COMMD9: variants seen among roughly 807,000 people sequenced by gnomAD.
COMMD9 encodes COMM domain-containing protein 9.
Under a neutral mutation model 23.4 loss-of-function variants are expected in COMMD9, and 22 were observed. The observed-to-expected ratio is 0.94, with a 90% confidence interval of 0.67 to 1.34. The LOEUF is 1.34. COMMD9 is among the 40% of genes most tolerant of loss of function. The pLI, the probability that COMMD9 is intolerant of heterozygous loss-of-function variation, is 0.00. For synonymous variants in COMMD9, 99 were observed against 97.4 expected, an observed-to-expected ratio of 1.02 and a Z score of -0.10; for missense variants, 231 against 240.2, an observed-to-expected ratio of 0.96 and a Z score of 0.25.
intron 4 of COMMD9, 147 bp downstream of exon 4, chr11:36,276,942 A>C (rs1855981768): frequency 6.2e-6 from 3 of 485,036 alleles, no homozygotes; most frequent in Non-Finnish European, 1.0e-5. Flanking sequence ...AAGTAGAATT[A>C]GGGAAAAAAC....
rs1855970748 is a variant in COMMD9, at chr11:36,276,232, G to T, written c.361C>A (p.Pro121Thr). The T allele has an allele frequency of 6.2e-7, 1 of 1,612,776 alleles. No individual in the cohort carries two copies. Among genetic ancestry groups the T allele is most frequent in the Non-Finnish European group, 8.5e-7 (1 of 1,178,898 alleles). The change falls in exon 5 of 6, where the codon CCA (proline) becomes ACA (threonine). Residue 121 changes from proline (P) to threonine (T), a missense_variant. Transcript: ENST00000263401. ...CTCCAGTCCAGATCGACCAGGCGTG[G>T]CAGAGAGACTGTGGAAGGAACAGCT... ...TEAQANQISLPRLVDLDWRVD... is the reference protein window; with the variant it reads ...TEAQANQISLTRLVDLDWRVD...
At chr11:36,282,442 T>C (rs1856082013) in intron 1 of COMMD9, among the ~76,000 whole-genome samples, 1 of 151,166 alleles carries the variant, frequency 6.6e-6, no homozygotes, top group South Asian at 2.1e-4. Flanking sequence ...ACAATTAGAA[T>C]GAAAGCAGAT....
Position 36,276,201 on chromosome 11 carries a change from T to A in COMMD9, c.392A>T (p.Asp131Val). The change falls in exon 5 of 6, where the codon GAT becomes GTT. Residue 131 changes from aspartate (D) to valine (V), a missense_variant. By Grantham distance (152) the Asp-to-Val change is radical (BLOSUM62 -3). Coordinates refer to ENST00000263401, the MANE Select transcript of COMMD9 (RefSeq NM_014186.4). ...GATGCTGTCTGAGGAGGTTTTGATA[T>A]CCACTCTCCAGTCCAGATCGACCAG... Reference protein sequence around the residue: ...PRLVDLDWRVDIKTSSDSISR... With the variant: ...PRLVDLDWRVVIKTSSDSISR... 6.2e-7 allele frequency: 1 copy of A among 1,614,128 alleles called. No individual in the cohort carries two copies.
At chr11:36,285,630 A>C (rs531957093) in intron 1 of COMMD9, among the ~76,000 whole-genome samples, 35 of 152,220 alleles carry the variant, frequency 2.3e-4, no homozygotes, top group Non-Finnish European at 4.0e-4. Context: ...ATAATGGCAA[A>C]TAGAGATCAG....
chr11:36,284,146 C>T (rs1856112971), intron 1 of COMMD9, among the ~76,000 whole-genome samples: 1 of 146,812 alleles, frequency 6.8e-6, no homozygotes, highest in Non-Finnish European at 1.5e-5. Context: ...AACAACAAAT[C>T]TCCCTTCAAA....
intron 1 of COMMD9, among the ~76,000 whole-genome samples, chr11:36,285,257 A>T (rs1335839087): frequency 6.6e-6 from 1 of 152,182 alleles, no homozygotes; most frequent in Non-Finnish European, 1.5e-5. Flanking sequence ...TGATAATTTA[A>T]ATAAAATGGG....
intron 5 of COMMD9, among the ~76,000 whole-genome samples, chr11:36,275,480 T>C (rs1299162506): frequency 2.0e-5 from 3 of 150,610 alleles, no homozygotes; most frequent in African/African-American, 7.3e-5. Context: ...AGTCTCACTC[T>C]TTCACCAGGT....
intron 3 of COMMD9, 105 bp from the exon 4 acceptor site, chr11:36,277,228 T>G: frequency 1.5e-6 from 1 of 677,166 alleles, no homozygotes; most frequent in Non-Finnish European, 2.3e-6. Flanking sequence ...AGACCTGTCA[T>G]CACCTGCTAA....
Position 36,278,524 on chromosome 11 carries a change from G to A in COMMD9, c.270C>T (p.Phe90=). The change falls in exon 3 of 6, where the codon TTC becomes TTT. Residue 90 remains phenylalanine (F), a synonymous_variant. Coordinates refer to ENST00000263401, the MANE Select transcript of COMMD9 (RefSeq NM_014186.4). Reference sequence around the variant, plus strand: ...TCAGCAGGTTTTTGAGGTTTTGGTGGAAATTTTCTGGAAAGAGAGCCAGAA... The same window carrying A: ...TCAGCAGGTTTTTGAGGTTTTGGTGAAAATTTTCTGGAAAGAGAGCCAGAA... ...EAILALFPEN[F]HQNLKNLLTK... is the part of the protein sequence containing the mutation. 6.2e-7 allele frequency: 1 copy of A among 1,614,102 alleles called. No individual in the cohort carries two copies.
chr11:36,282,409 G>T (rs1338958981), intron 1 of COMMD9, among the ~76,000 whole-genome samples: 1 of 151,676 alleles, frequency 6.6e-6, no homozygotes, highest in Non-Finnish European at 1.5e-5. Flanking sequence ...AGAGAAAAAT[G>T]ACACCTTACC....
chr11:36,287,731 C>T (rs890858728), intron 1 of COMMD9, among the ~76,000 whole-genome samples: 1 of 151,794 alleles, frequency 6.6e-6, no homozygotes, highest in Admixed American at 6.6e-5. Context: ...CTGTATTATT[C>T]CATTTATGTT....
chr11:36,285,282 AAC>A (rs1856132834), intron 1 of COMMD9, among the ~76,000 whole-genome samples: 1 of 152,176 alleles, frequency 6.6e-6, no homozygotes, highest in African/African-American at 2.4e-5. Context: ...TTCCTCAAAT[AAC>A]ACAAACTACT....
At position 36,274,501 on chromosome 11, in the gene COMMD9, G is replaced by A; in HGVS notation, c.*131C>T. 1 of 1,122,246 alleles carries A rather than the reference G, an allele frequency of 8.9e-7. No homozygotes were observed. The highest frequency in any genetic ancestry group is 1.3e-6 in the Non-Finnish European group (1 of 754,108). The allele number at this position is 1,122,246 out of a possible 1,614,324, so 69.5% of individuals were successfully genotyped here. ...CCAATCCAACTGTAACTTCTGGATG[G>A]CAGTAGCCCCCTGCTGTCCCCACCA... On this transcript the variant is annotated 3_prime_UTR_variant, in exon 6 of 6. Transcript: ENST00000263401.
At chr11:36,279,337 T>C (rs975208546) in intron 2 of COMMD9, among the ~76,000 whole-genome samples, 10 of 152,204 alleles carry the variant, frequency 6.6e-5, no homozygotes, top group African/African-American at 2.4e-4. Context: ...ATCTGTAACT[T>C]TGAAGTGTAA....
chr11:36,288,359 T>TTA (rs1554981279), intron 1 of COMMD9, among the ~76,000 whole-genome samples: 5,385 of 141,654 alleles, frequency 0.038, 301 homozygotes, highest in East Asian at 0.17. Context: ...ACCTGGTGTT[T>TTA]AAAAAAAAAA....
chr11:36,275,227 G>A (rs1382115771), intron 5 of COMMD9, among the ~76,000 whole-genome samples: 1 of 152,180 alleles, frequency 6.6e-6, no homozygotes, highest in Non-Finnish European at 1.5e-5. Context: ...ATTGCTAGAG[G>A]CACCCTTCTT....
chr11:36,272,335 A>G lies in COMMD9; in HGVS notation c.*2297T>C, dbSNP rs1326241965. On this transcript the variant is annotated 3_prime_UTR_variant, in exon 6 of 6. Transcript: ENST00000263401. ...TATTGACTTTTCCAGTTATTTATCA[A>G]ATGCCCTCTGCGTCATGTACCCAGA... 6.2e-6 allele frequency: 1 copy of G among 160,394 alleles called. No individual in the cohort carries two copies. Among genetic ancestry groups the G allele is most frequent in the African/African-American group, 2.4e-5 (1 of 41,538 alleles). 9.9% of individuals were successfully genotyped at this position (160,394 alleles called of 1,614,324 possible).
At chr11:36,284,015 A>G (rs1011040998) in intron 1 of COMMD9, among the ~76,000 whole-genome samples, 10 of 152,208 alleles carry the variant, frequency 6.6e-5, no homozygotes, top group Admixed American at 6.5e-4. Context: ...CTGAGGCGGG[A>G]AGATTGCTTA....
In COMMD9 at chr11:36,274,146, G is replaced by A. The variant is rs1052418517; in HGVS notation, c.*486C>T. 22 of 418,728 alleles carry A rather than the reference G, an allele frequency of 5.3e-5. No homozygotes were observed. Among genetic ancestry groups the A allele is most frequent in the African/African-American group, 3.6e-4 (18 of 49,622 alleles). 25.9% of individuals were successfully genotyped at this position (418,728 alleles called of 1,614,324 possible). ...TCAGGGAACACTCTGGATGGACCAT[G>A]CTCTGTGGGCTCTGCCTGGCTTCCC... On this transcript the variant is annotated 3_prime_UTR_variant, in exon 6 of 6. Coordinates refer to ENST00000263401, the MANE Select transcript of COMMD9 (RefSeq NM_014186.4).
Sources: allele counts gnomAD v4.1 joint callset (sites outside exome capture counted in the v4.1 genomes callset), GRCh38; gene constraint gnomAD v4.1.1; transcripts MANE v1.5; gene names NCBI Gene and HGNC (gene_info 2026-07-23, HGNC 2026-07-21).